Variants in SYTL3 observed in about 807,000 individuals in gnomAD.
SYTL3 encodes the protein synaptotagmin like 3, also known as synaptotagmin-like protein 3.
SYTL3 carries 88 observed loss-of-function variants against 82.1 expected under a neutral mutation model. That is an observed-to-expected ratio of 1.07 (90% CI 0.90 to 1.28). The LOEUF is 1.28. SYTL3 is among the 50% of genes most tolerant of loss of function. The pLI is 0.00. For synonymous variants in SYTL3, 311 were observed against 289.4 expected (o/e 1.07, Z -0.76); for missense variants, 831 against 757.6 (o/e 1.10, Z -1.14).
chr6:158,730,102 A>G (rs548406798), intron 11 of SYTL3, among the ~76,000 whole-genome samples: 4 of 152,300 alleles, frequency 2.6e-5, no homozygotes, highest in East Asian at 3.9e-4. Flanking sequence ...CTTGCAGCCT[A>G]TGCCCCTTCC....
chr6:158,666,141 A>G (rs996672074), intron 5 of SYTL3, among the ~76,000 whole-genome samples: 2 of 152,216 alleles, frequency 1.3e-5, no homozygotes, highest in African/African-American at 4.8e-5. Flanking sequence ...CCAGGAGTTC[A>G]GATTCATTTG....
At chr6:158,693,845 T>TTTGTC in intron 6 of SYTL3, among the ~76,000 whole-genome samples, 1 of 76,790 alleles carries the variant, frequency 1.3e-5, no homozygotes, top group Non-Finnish European at 2.5e-5. Context: ...CCAGCCTTTC[T>TTTGTC]TTTTCTTTTC....
At chr6:158,709,133 T>C (rs774030520) in intron 8 of SYTL3, among the ~76,000 whole-genome samples, 14 of 152,120 alleles carry the variant, frequency 9.2e-5, no homozygotes, top group Non-Finnish European at 2.1e-4. Flanking sequence ...CTCTGGAGGC[T>C]GAGGCAGGAG....
At chr6:158,759,391 G>A (rs904647076) in intron 14 of SYTL3, among the ~76,000 whole-genome samples, 8 of 152,196 alleles carry the variant, frequency 5.3e-5, no homozygotes, top group Non-Finnish European at 1.2e-4. Flanking sequence ...AGACGGGCTG[G>A]CCCACGCGGG....
At chr6:158,749,778 A>G (rs1030703383) in intron 12 of SYTL3, among the ~76,000 whole-genome samples, 1 of 152,170 alleles carries the variant, frequency 6.6e-6, no homozygotes, top group African/African-American at 2.4e-5. Flanking sequence ...ATGAGCCACC[A>G]CACCTGGCTG....
rs546890512 is a variant in SYTL3, at chr6:158,674,957, T to C, written c.330-7968T>C. Among the ~76,000 whole-genome samples the C allele has an allele frequency of 5.3e-5, 8 of 152,002 alleles. No homozygotes were observed. In the South Asian group the frequency reaches 1.7e-3, roughly 32 times the overall value. On this transcript the variant is annotated intron_variant, in intron 5 of 17. Transcript: ENST00000611299. ...AGTTTCTGCTTGGGCCCTCAGTGTG[T>C]GGCCCTGCCCGACACAGTTAGAGGG...
intron 6 of SYTL3, among the ~76,000 whole-genome samples, chr6:158,683,845 T>G (rs2128408847): frequency 6.6e-6 from 1 of 152,040 alleles, no homozygotes. Context: ...GCTTGTGGAG[T>G]GAGCGCATGT....
chr6:158,649,259 G>C (rs117242789), upstream of SYTL3, among the ~76,000 whole-genome samples: 408 of 152,366 alleles, frequency 2.7e-3, 1 homozygote, highest in Non-Finnish European at 4.1e-3. Flanking sequence ...CACTCTCAGT[G>C]GTTGATGACA....
chr6:158,746,252 G>A (rs539041519), intron 12 of SYTL3, among the ~76,000 whole-genome samples: 96 of 152,014 alleles, frequency 6.3e-4, no homozygotes, highest in African/African-American at 2.2e-3. Flanking sequence ...ATTGGTGAGC[G>A]AGGTGGACAT....
chr6:158,760,531 C>G (rs539317414), intron 14 of SYTL3, 109 bp from the exon 15 acceptor site: 2 of 902,486 alleles, frequency 2.2e-6, no homozygotes, highest in Admixed American at 3.7e-5. Context: ...CAGGGCCTTG[C>G]AGGGGCCAGG....
chr6:158,763,716 G>A (rs1410047998), intron 17 of SYTL3, among the ~76,000 whole-genome samples: 1 of 152,170 alleles, frequency 6.6e-6, no homozygotes, highest in East Asian at 1.9e-4. Context: ...ATCAGATTTA[G>A]ATCTGCTAAA....
At chr6:158,681,322 C>A (rs73797079) in intron 5 of SYTL3, among the ~76,000 whole-genome samples, 2,905 of 152,190 alleles carry the variant, frequency 0.019, 89 homozygotes, top group African/African-American at 0.066. Context: ...GTTAGCGTCT[C>A]GAGTGCCCTC....
chr6:158,704,707 G>A (rs892406751), intron 6 of SYTL3, among the ~76,000 whole-genome samples: 10 of 152,286 alleles, frequency 6.6e-5, no homozygotes, highest in Admixed American at 1.3e-4. Context: ...GCCATAGGGA[G>A]TCACTGAAGG....
At chr6:158,740,086 T>C (rs1786738251) in intron 11 of SYTL3, among the ~76,000 whole-genome samples, 2 of 142,126 alleles carry the variant, frequency 1.4e-5, no homozygotes, top group African/African-American at 2.6e-5. Flanking sequence ...AACATCTGCC[T>C]CCTGGGTTCA....
intron 4 of SYTL3, among the ~76,000 whole-genome samples, chr6:158,664,302 T>C (rs1299165569): frequency 6.6e-6 from 1 of 152,194 alleles, no homozygotes; most frequent in Non-Finnish European, 1.5e-5. Flanking sequence ...CCCAGCACTT[T>C]GGGAGGTTGA....
chr6:158,725,681 G>GT (rs777905578), intron 11 of SYTL3, 44 bp downstream of exon 11: 6 of 1,594,542 alleles, frequency 3.8e-6, no homozygotes, highest in African/African-American at 2.7e-5. Flanking sequence ...TTTGTTTTTT[G>GT]TTTTTTTGGA....
intron 10 of SYTL3, among the ~76,000 whole-genome samples, chr6:158,720,061 C>T (rs1395219030): frequency 6.6e-6 from 1 of 152,006 alleles, no homozygotes; most frequent in African/African-American, 2.4e-5. Context: ...TGCACTCCAG[C>T]CTGGGTGACA....
chr6:158,671,806 A>ACC (rs1777416799), intron 5 of SYTL3, among the ~76,000 whole-genome samples: 1 of 151,462 alleles, frequency 6.6e-6, no homozygotes, highest in Non-Finnish European at 1.5e-5. Context: ...TTTTATAATT[A>ACC]TTATCTATAT....
At chr6:158,646,325 C>T (rs1370393527), upstream of SYTL3, among the ~76,000 whole-genome samples, 2 of 152,050 alleles carry the variant, frequency 1.3e-5, no homozygotes, top group South Asian at 2.1e-4. Flanking sequence ...GCCACCACAC[C>T]CACCTATTTT....
Sources: gnomAD v4.1 joint callset for allele counts (sites outside exome capture counted in the v4.1 genomes callset) on GRCh38, gnomAD v4.1.1 for gene constraint, MANE v1.5 for transcripts, NCBI Gene and HGNC (gene_info 2026-07-23, HGNC 2026-07-21) for gene names.